The following RET variants were observed in gnomAD, a reference collection of about 807,000 sequenced individuals.
RET encodes the protein proto-oncogene tyrosine-protein kinase receptor Ret.
Under a neutral mutation model 118.3 loss-of-function variants are expected in RET, and 19 were observed. The observed-to-expected ratio is 0.16, with a 90% CI of 0.11 to 0.24. The LOEUF is 0.24. Ranked by LOEUF, RET falls within the 10% of genes least tolerant of loss-of-function variation. The pLI is 1.00. For synonymous variants in RET, 597 were observed against 644.1 expected, an observed-to-expected ratio of 0.93 and a Z score of 1.11; for missense variants, 1,219 against 1,502.1, an observed-to-expected ratio of 0.81 and a Z score of 3.12.
chr10:43,113,398 C>G lies in RET; in HGVS notation c.1760-158C>G, dbSNP rs544499941. On this transcript the variant is annotated intron_variant, in intron 9 of 19. Transcript: ENST00000355710. Reference sequence around the variant, plus strand: ...TTCAGAAAGGCACTGTGACCAAGCCCTGCCCGGCTAAGCCAAGCTGCTGGG... The same window carrying G: ...TTCAGAAAGGCACTGTGACCAAGCCGTGCCCGGCTAAGCCAAGCTGCTGGG... Among the ~76,000 whole-genome samples the G allele has an allele frequency of 3.6e-3, 542 of 152,318 alleles. 4 individuals are homozygous for G. Among genetic ancestry groups the G allele is most frequent in the South Asian group, 8.9e-3 (43 of 4,828 alleles).
At chr10:43,119,086 G>A (rs1208930692) in intron 13 of RET, among the ~76,000 whole-genome samples, 1 of 152,202 alleles carries the variant, frequency 6.6e-6, no homozygotes, top group Non-Finnish European at 1.5e-5. Context: ...TTGGAGGCTG[G>A]GCCTGGGACA....
intron 1 of RET, among the ~76,000 whole-genome samples, chr10:43,087,130 C>T (rs1331354577): frequency 6.6e-6 from 1 of 152,214 alleles, no homozygotes; most frequent in African/African-American, 2.4e-5. Context: ...ACAGCAGGGG[C>T]TCAGACTGGA....
Position 43,128,113 on chromosome 10 carries a change from C to G in RET, c.3189C>G (p.Gly1063=), listed in dbSNP as rs1288380805. 6.2e-7 allele frequency: 1 copy of G among 1,613,998 alleles called. No homozygotes were observed. The highest frequency in any genetic ancestry group is 8.5e-7 in the Non-Finnish European group (1 of 1,180,026). The change falls in exon 20 of 20, where the codon GGC becomes GGG. Residue 1063 remains glycine, a splice_region_variant and synonymous_variant. Coordinates refer to ENST00000355710, the MANE Select transcript of RET (RefSeq NM_020975.6). ...PSTWIENKLY[G]MSDPNWPGES... Reference sequence around the variant, plus strand: ...CAAATGATCTGTTTTCATTTTTAGGCATGTCAGACCCGAACTGGCCTGGAG... The same window carrying G: ...CAAATGATCTGTTTTCATTTTTAGGGATGTCAGACCCGAACTGGCCTGGAG...
At position 43,124,980 on chromosome 10, in the gene RET, A is replaced by C; in HGVS notation, c.3037A>C (p.Arg1013=). 1 of 1,614,142 alleles carries C rather than the reference A, an allele frequency of 6.2e-7. No individual in the cohort carries two copies. The highest frequency in any genetic ancestry group is 1.1e-5 in the South Asian group (1 of 91,088). ...CCTGGAGAAGATGATGGTTAAGAGGAGAGTGAGTGCCTGGGTCCAATTCCC... is the reference window on the plus strand; with the variant it reads ...CCTGGAGAAGATGATGGTTAAGAGGCGAGTGAGTGCCTGGGTCCAATTCCC... ...KDLEKMMVKR[R]DYLDLAASTP... Residue 1013 remains arginine, a splice_region_variant and synonymous_variant, in exon 18 of 20, where the codon AGA becomes CGA. Transcript: ENST00000355710.
intron 1 of RET, among the ~76,000 whole-genome samples, chr10:43,098,567 G>T (rs190891252): frequency 4.9e-4 from 75 of 152,122 alleles, no homozygotes; most frequent in African/African-American, 1.8e-3. Flanking sequence ...GATTATAGGC[G>T]CCCGCCTTCA....
chr10:43,080,030 TG>T (rs1837145434), intron 1 of RET, among the ~76,000 whole-genome samples: 1 of 152,040 alleles, frequency 6.6e-6, no homozygotes, highest in Non-Finnish European at 1.5e-5. Flanking sequence ...AGAGAGCAAA[TG>T]GGGAAGTGCA....
At chr10:43,109,498 C>T (rs1256102035) in intron 6 of RET, among the ~76,000 whole-genome samples, 1 of 152,182 alleles carries the variant, frequency 6.6e-6, no homozygotes, top group Non-Finnish European at 1.5e-5. Context: ...AATGCAAGAG[C>T]AATACTGGGT....
chr10:43,091,903 T>C (rs1837420269), intron 1 of RET, among the ~76,000 whole-genome samples: 1 of 148,290 alleles, frequency 6.7e-6, no homozygotes, highest in South Asian at 2.1e-4. Context: ...GGAAGGTAAA[T>C]AGTGTAGCTG....
intron 1 of RET, among the ~76,000 whole-genome samples, chr10:43,084,453 C>G (rs1315229484): frequency 6.6e-6 from 1 of 152,208 alleles, no homozygotes; most frequent in African/African-American, 2.4e-5. Flanking sequence ...TGCCTTTCCC[C>G]GGTGATGGCG....
chr10:43,128,590 T>G lies in RET; in HGVS notation c.*321T>G, dbSNP rs1838383739. The stretch of plus-strand genomic sequence containing the variant: ...ACCACCAACATTCTGTGTTCACATG[T>G]GTGGGTCCAACACTTACTACCTGGT... On this transcript the variant is annotated 3_prime_UTR_variant, in exon 20 of 20. Transcript: ENST00000355710. The G allele has an allele frequency of 6.3e-6, 3 of 478,998 alleles. No homozygotes were observed. Among genetic ancestry groups the G allele is most frequent in the Non-Finnish European group, 1.2e-5 (3 of 259,364 alleles). The allele number at this position is 478,998 out of a possible 1,614,324, so 29.7% of individuals were successfully genotyped here.
At chr10:43,118,115 G>T (rs1304616590) in intron 12 of RET, among the ~76,000 whole-genome samples, 1 of 152,216 alleles carries the variant, frequency 6.6e-6, no homozygotes, top group Non-Finnish European at 1.5e-5. Flanking sequence ...CACATACACA[G>T]GTGGCCCAGC....
Position 43,114,765 on chromosome 10 carries a change from C to T in RET, c.2136+29C>T. On this transcript the variant is annotated intron_variant, in intron 11 of 19. Coordinates refer to ENST00000355710, the MANE Select transcript of RET (RefSeq NM_020975.6). The surrounding 1 kb of genome is among the most constrained non-coding windows in gnomAD (Gnocchi z 4.6). ...AGGGTCCCTGCGGGGCAGGGAAGAT[C>T]CCCTGCCCTCCCCAGCTGCCTTCCA... The T allele has an allele frequency of 6.3e-7, 1 of 1,582,938 alleles. No homozygotes were observed.
intron 5 of RET, among the ~76,000 whole-genome samples, chr10:43,107,559 TCACACACACACACACA>T (rs59876947): frequency 3.6e-5 from 5 of 140,822 alleles, no homozygotes; most frequent in African/African-American, 1.1e-4. Context: ...CCCCCATGCC[TCACACACACACACACA>T]CACACACACA....
At chr10:43,094,352 C>T (rs1030460877) in intron 1 of RET, among the ~76,000 whole-genome samples, 1 of 152,160 alleles carries the variant, frequency 6.6e-6, no homozygotes, top group Non-Finnish European at 1.5e-5. Flanking sequence ...CAAGGGCAGG[C>T]GTGGGGCTGG....
rs1047850811 is a variant in RET at position 43,128,768 on chromosome 10, G to A, written c.*499G>A. Reference sequence around the variant, plus strand: ...TTCAGAATGAGAGACTGCGGGGGGGGCCTGGGGGTAGTGTCAATGCCCCTC... The same window carrying A: ...TTCAGAATGAGAGACTGCGGGGGGGACCTGGGGGTAGTGTCAATGCCCCTC... On this transcript the variant is annotated 3_prime_UTR_variant, in exon 20 of 20. Coordinates refer to ENST00000355710, the MANE Select transcript of RET (RefSeq NM_020975.6). 11 of 284,524 alleles carry A rather than the reference G, an allele frequency of 3.9e-5. No individual in the cohort carries two copies. Among genetic ancestry groups the A allele is most frequent in the South Asian group, 1.6e-4 (2 of 12,370 alleles). The allele number at this position is 284,524 out of a possible 1,614,324, so 17.6% of individuals were successfully genotyped here.
rs2132656365 is a variant in RET, at chr10:43,100,462, C to T, written c.77C>T (p.Ala26Val). 1 of 1,613,332 alleles carries T rather than the reference C, an allele frequency of 6.2e-7. No individual in the cohort carries two copies. The highest frequency in any genetic ancestry group is 1.3e-5 in the African/African-American group (1 of 74,914). The change falls in exon 2 of 20, where the codon GCA (alanine) becomes GTA (valine). Residue 26 changes from alanine (A) to valine (V), a missense_variant. Physicochemically the swap from Ala to Val is moderately conservative, Grantham distance 64. Coordinates refer to ENST00000355710, the MANE Select transcript of RET (RefSeq NM_020975.6). ...LLLLPLLGKV[A>V]LGLYFSRDAY... ...CTCACTTCCCTACTTCCCACAGTGG[C>T]ATTGGGCCTCTACTTCTCGAGGGAT...
At chr10:43,125,557 A>G (rs1212670776) in intron 18 of RET, among the ~76,000 whole-genome samples, 1 of 152,240 alleles carries the variant, frequency 6.6e-6, no homozygotes. Flanking sequence ...CAGGCCAAAC[A>G]AAGCATATCG....
intron 16 of RET, among the ~76,000 whole-genome samples, chr10:43,122,800 A>G (rs1838246905): frequency 6.6e-6 from 1 of 152,118 alleles, no homozygotes; most frequent in African/African-American, 2.4e-5. Context: ...TGGTAGGGAC[A>G]GGGTTTCACC....
intron 7 of RET, 47 bp downstream of exon 7, chr10:43,111,512 T>C (rs1310746312): frequency 6.3e-7 from 1 of 1,584,326 alleles, no homozygotes; most frequent in Admixed American, 1.7e-5. Context: ...TGGGGGCTTC[T>C]GGAGCCTGGG....
Sources: allele counts gnomAD v4.1 joint callset (sites outside exome capture counted in the v4.1 genomes callset), GRCh38; gene constraint gnomAD v4.1.1; non-coding constraint Gnocchi (gnomAD v3.1); transcripts MANE v1.5; gene names NCBI Gene and HGNC (gene_info 2026-07-23, HGNC 2026-07-21).